The following BTBD9 variants were observed in gnomAD, a reference collection of about 807,000 sequenced individuals.
BTBD9 encodes BTB domain containing 9.
Under a neutral mutation model 64.3 loss-of-function variants are expected in BTBD9, and 49 were observed. That is an observed-to-expected ratio of 0.76 (90% CI 0.61 to 0.97). The LOEUF is 0.97. Among genes scored for constraint, BTBD9 ranks in the 50% least tolerant of loss-of-function variants. The pLI, the probability that BTBD9 is intolerant of heterozygous loss-of-function variation, is 0.00. For missense variants in BTBD9, 598 were observed against 762.1 expected (o/e 0.78, Z 2.53); for synonymous variants, 260 against 274.7 (o/e 0.95, Z 0.53).
intron 6 of BTBD9, among the ~76,000 whole-genome samples, chr6:38,440,221 G>A (rs980772951): frequency 3.3e-5 from 5 of 152,190 alleles, no homozygotes; most frequent in Non-Finnish European, 7.3e-5. Context: ...GAAAAGAAAA[G>A]AGGGTCACAG....
chr6:38,227,086 G>C (rs985658188), intron 9 of BTBD9, among the ~76,000 whole-genome samples: 1 of 152,220 alleles, frequency 6.6e-6, no homozygotes, highest in East Asian at 1.9e-4. Flanking sequence ...GGAGAGGCTT[G>C]CTCACCCACT....
At chr6:38,617,210 C>A (rs1360211512) in intron 1 of BTBD9, among the ~76,000 whole-genome samples, 1 of 152,170 alleles carries the variant, frequency 6.6e-6, no homozygotes, top group Non-Finnish European at 1.5e-5. Context: ...TCCTGCACTT[C>A]CGGGCTGAGC....
intron 9 of BTBD9, among the ~76,000 whole-genome samples, chr6:38,236,801 C>T (rs917954349): frequency 1.1e-4 from 16 of 152,066 alleles, no homozygotes; most frequent in African/African-American, 3.6e-4. Context: ...GATTCAGTTC[C>T]GCATGCAGAA....
At chr6:38,234,088 T>C (rs528820876) in intron 9 of BTBD9, among the ~76,000 whole-genome samples, 2 of 152,378 alleles carry the variant, frequency 1.3e-5, no homozygotes, top group East Asian at 1.9e-4. Flanking sequence ...ACGAGGTATG[T>C]ACCTTGTGAT....
intron 9 of BTBD9, among the ~76,000 whole-genome samples, chr6:38,249,420 A>AT (rs956137952): frequency 1.3e-5 from 2 of 151,168 alleles, no homozygotes; most frequent in East Asian, 1.9e-4. Context: ...TATCTGGCTA[A>AT]TTTTTTTTTC....
chr6:38,220,392 G>T (rs1012954660), intron 9 of BTBD9, among the ~76,000 whole-genome samples: 3 of 152,226 alleles, frequency 2.0e-5, no homozygotes, highest in Non-Finnish European at 4.4e-5. Context: ...CCCCAAAGTA[G>T]CTTGTACTTG....
intron 9 of BTBD9, 77 bp from the exon 10 acceptor site, chr6:38,192,674 C>A: frequency 7.5e-7 from 1 of 1,329,048 alleles, no homozygotes; most frequent in South Asian, 1.2e-5. Context: ...GGAGTCATGT[C>A]CACTGAGGAG....
In BTBD9 at chr6:38,326,704, C is replaced by G. The variant is rs543911260; in HGVS notation, c.1264+18280G>C. ...ACTGAGGTTTTACTGAGATGTGCTT[C>G]CAACTTTTTATAACAGGCATCTACT... On this transcript the variant is annotated intron_variant, in intron 7 of 10. Transcript: ENST00000481247. Among the ~76,000 whole-genome samples the G allele has an allele frequency of 2.0e-5, 3 of 151,632 alleles. No homozygotes were observed. In the South Asian group the frequency reaches 6.3e-4, roughly 32 times the overall value.
At chr6:38,518,979 T>A (rs1773162605) in intron 6 of BTBD9, among the ~76,000 whole-genome samples, 1 of 152,110 alleles carries the variant, frequency 6.6e-6, no homozygotes, top group Non-Finnish European at 1.5e-5. Context: ...AGTAAAGAAA[T>A]CATCAGTGAA....
At chr6:38,614,464 C>T (rs142797327) in intron 1 of BTBD9, among the ~76,000 whole-genome samples, 3 of 152,308 alleles carry the variant, frequency 2.0e-5, no homozygotes, top group East Asian at 1.9e-4. Flanking sequence ...AGAGGCCATA[C>T]AGATATTAAC....
intron 8 of BTBD9, among the ~76,000 whole-genome samples, chr6:38,274,698 T>C (rs1419246288): frequency 1.3e-5 from 2 of 152,244 alleles, no homozygotes; most frequent in Admixed American, 1.3e-4. Flanking sequence ...TTTGCGTATG[T>C]TGAACCAGCC....
intron 6 of BTBD9, among the ~76,000 whole-genome samples, chr6:38,385,958 T>A (rs1418001244): frequency 6.6e-6 from 1 of 151,836 alleles, no homozygotes; most frequent in Non-Finnish European, 1.5e-5. Flanking sequence ...CCATGCCTAA[T>A]TTTTGTATTT....
intron 6 of BTBD9, among the ~76,000 whole-genome samples, chr6:38,502,377 A>G (rs1042412457): frequency 3.9e-5 from 6 of 152,166 alleles, no homozygotes; most frequent in Non-Finnish European, 8.8e-5. Context: ...TATTTCCAAC[A>G]TTTTGGAAGC....
chr6:38,382,063 T>C (rs997802919), intron 6 of BTBD9, among the ~76,000 whole-genome samples: 6 of 152,154 alleles, frequency 3.9e-5, no homozygotes, highest in African/African-American at 1.4e-4. Flanking sequence ...CCGAATCAAC[T>C]TTTGCAGAAT....
At chr6:38,536,035 ACAAT>A (rs1290059447) in intron 6 of BTBD9, among the ~76,000 whole-genome samples, 10 of 144,400 alleles carry the variant, frequency 6.9e-5, no homozygotes, top group African/African-American at 2.4e-4. Context: ...AGCAAAAGAA[ACAAT>A]CAACAAAGTG....
intron 6 of BTBD9, among the ~76,000 whole-genome samples, chr6:38,499,120 T>G (rs1473579079): frequency 6.6e-6 from 1 of 151,968 alleles, no homozygotes; most frequent in Non-Finnish European, 1.5e-5. Flanking sequence ...GAACACTATT[T>G]TGACAGGAGG....
At chr6:38,176,950 C>G (rs1761286578) in intron 10 of BTBD9, among the ~76,000 whole-genome samples, 1 of 152,304 alleles carries the variant, frequency 6.6e-6, no homozygotes, top group South Asian at 2.1e-4. Context: ...CTCAACACCC[C>G]CCCCACTAAA....
chr6:38,303,840 GATATAT>G (rs70981538), intron 7 of BTBD9, among the ~76,000 whole-genome samples: 3,788 of 75,330 alleles, frequency 0.05, 161 homozygotes, highest in Admixed American at 0.12. Context: ...TTAGTTGCTA[GATATAT>G]ATATATATAT....
intron 1 of BTBD9, among the ~76,000 whole-genome samples, chr6:38,634,263 A>G (rs1454875817): frequency 1.3e-5 from 2 of 152,208 alleles, no homozygotes; most frequent in South Asian, 4.1e-4. Context: ...TCCTCTCACT[A>G]GGACTAACAT....
Sources: gnomAD v4.1 joint callset for allele counts (sites outside exome capture counted in the v4.1 genomes callset) on GRCh38, gnomAD v4.1.1 for gene constraint, MANE v1.5 for transcripts, NCBI Gene and HGNC (gene_info 2026-07-23, HGNC 2026-07-21) for gene names.